The following ZUP1 variants were observed in gnomAD, a reference collection of about 807,000 sequenced individuals.
The protein encoded by ZUP1 is zinc finger-containing ubiquitin peptidase 1.
A neutral mutation model predicts 68.1 loss-of-function variants in ZUP1; 55 were observed. The ratio of observed to expected loss-of-function variants is 0.81; its 90% confidence interval spans 0.65 to 1.01. ZUP1 has a LOEUF of 1.01. ZUP1 is among the 50% of genes least tolerant of loss of function. The pLI is 0.00. For synonymous variants in ZUP1, 223 were observed against 221.5 expected (o/e 1.01, Z -0.06); for missense variants, 684 against 674.9 (o/e 1.01, Z -0.15).
rs532347638 is a variant in ZUP1, at chr6:116,641,861, G to C, written c.1689+3853C>G. ...AATCAGAGCAGAACTGAAGGAAATA[G>C]AGACACAAAAAACCCTTCAAAAAAT... On this transcript the variant is annotated intron_variant, in intron 9 of 9. Transcript: ENST00000368576. Among the ~76,000 whole-genome samples, 592 of 152,218 alleles carry C rather than the reference G, an allele frequency of 3.9e-3. 3 individuals are homozygous for C. Among genetic ancestry groups the C allele is most frequent in the Non-Finnish European group, 6.9e-3 (472 of 68,022 alleles).
At chr6:116,659,462 T>C (rs1264541759) in intron 3 of ZUP1, among the ~76,000 whole-genome samples, 1 of 152,120 alleles carries the variant, frequency 6.6e-6, no homozygotes, top group African/African-American at 2.4e-5. Flanking sequence ...ACAAGCACTT[T>C]TCATTAATTA....
At chr6:116,645,583 CAAAAA>C (rs59393240) in intron 9 of ZUP1, 126 bp downstream of exon 9, 927 of 428,772 alleles carry the variant, frequency 2.2e-3, no homozygotes, top group East Asian at 2.6e-3. Flanking sequence ...ACCCTGTCTC[CAAAAA>C]AAAAAAAAAA....
At chr6:116,645,598 A>AG (rs1454048360) in intron 9 of ZUP1, 116 bp downstream of exon 9, 227 of 814,998 alleles carry the variant, frequency 2.8e-4, no homozygotes, top group Middle Eastern at 3.6e-4. Flanking sequence ...AAAAAAAAAA[A>AG]AAAGAAAAAG....
At chr6:116,654,278 T>C (rs1776598862) in intron 5 of ZUP1, among the ~76,000 whole-genome samples, 1 of 152,046 alleles carries the variant, frequency 6.6e-6, no homozygotes, top group African/African-American at 2.4e-5. Flanking sequence ...ATCTATAATA[T>C]ATAGTATCAC....
At chr6:116,653,834 T>C (rs1776586020) in intron 5 of ZUP1, among the ~76,000 whole-genome samples, 1 of 151,916 alleles carries the variant, frequency 6.6e-6, no homozygotes, top group Non-Finnish European at 1.5e-5. Context: ...ATGTTACATA[T>C]CAGATGGAGA....
At chr6:116,650,864 G>A (rs577120523) in intron 7 of ZUP1, among the ~76,000 whole-genome samples, 3 of 151,912 alleles carry the variant, frequency 2.0e-5, no homozygotes, top group Admixed American at 1.3e-4. Flanking sequence ...GAGAAGGTTG[G>A]AATAACTTCC....
intron 2 of ZUP1, among the ~76,000 whole-genome samples, chr6:116,661,996 T>A (rs746137654): frequency 9.9e-5 from 15 of 151,956 alleles, no homozygotes; most frequent in Non-Finnish European, 1.5e-4. Flanking sequence ...AGGAGGGAAC[T>A]GAATCTTTGA....
At chr6:116,665,265 AT>A (rs1365743119) in intron 2 of ZUP1, among the ~76,000 whole-genome samples, 1 of 152,180 alleles carries the variant, frequency 6.6e-6, no homozygotes, top group Non-Finnish European at 1.5e-5. Flanking sequence ...AGAGAAATGC[AT>A]TAAAAAAGAA....
chr6:116,639,525 G>A (rs1299732010), intron 9 of ZUP1, among the ~76,000 whole-genome samples: 1 of 152,136 alleles, frequency 6.6e-6, no homozygotes, highest in Non-Finnish European at 1.5e-5. Context: ...CAGCATTCGC[G>A]GTTCACGAAA....
intron 5 of ZUP1, among the ~76,000 whole-genome samples, chr6:116,652,647 A>T (rs1415173410): frequency 3.9e-5 from 6 of 152,158 alleles, no homozygotes; most frequent in African/African-American, 1.4e-4. Flanking sequence ...GTTTTCATTT[A>T]AAAACTCTTG....
intron 8 of ZUP1, chr6:116,646,154 C>A (rs1436123243): frequency 6.3e-5 from 24 of 379,398 alleles, no homozygotes; most frequent in Non-Finnish European, 1.4e-5. Flanking sequence ...CCAAAAAAAA[C>A]ATTTTTATTC....
intron 9 of ZUP1, among the ~76,000 whole-genome samples, chr6:116,642,270 G>A (rs1030987959): frequency 1.3e-5 from 2 of 152,134 alleles, no homozygotes; most frequent in African/African-American, 2.4e-5. Flanking sequence ...AGGAGGAACT[G>A]GTAACATTCC....
intron 2 of ZUP1, among the ~76,000 whole-genome samples, chr6:116,665,569 C>CTTTTTTT (rs753039436): frequency 1.8e-5 from 2 of 111,588 alleles, no homozygotes; most frequent in African/African-American, 6.8e-5. Context: ...AAAAATTTTT[C>CTTTTTTT]TTTTTTTTTT....
chr6:116,646,129 C>T, intron 8 of ZUP1, 195 bp from the exon 9 acceptor site: 1 of 421,636 alleles, frequency 2.4e-6, no homozygotes, highest in Non-Finnish European at 4.1e-6. Flanking sequence ...CTTTAGTTTT[C>T]TAAAGGCTTC....
intron 2 of ZUP1, among the ~76,000 whole-genome samples, chr6:116,661,675 AC>A: frequency 6.6e-6 from 1 of 152,310 alleles, no homozygotes. Context: ...TAGAAGAGGG[AC>A]CCAGAATTGT....
chr6:116,641,107 G>A (rs576825944), intron 9 of ZUP1, among the ~76,000 whole-genome samples: 3 of 148,966 alleles, frequency 2.0e-5, no homozygotes, highest in African/African-American at 7.5e-5. Context: ...ATTACATAAT[G>A]GTAAAGGGAT....
At chr6:116,660,890 A>T (rs1294205898) in intron 2 of ZUP1, 44 bp from the exon 3 acceptor site, 6 of 1,209,048 alleles carry the variant, frequency 5.0e-6, no homozygotes, top group African/African-American at 1.6e-5. Context: ...TTTTTATTTT[A>T]ATTTTTTTCT....
intron 7 of ZUP1, among the ~76,000 whole-genome samples, chr6:116,649,727 A>G (rs1272187538): frequency 1.3e-5 from 2 of 152,216 alleles, no homozygotes; most frequent in African/African-American, 2.4e-5. Flanking sequence ...CCAACCAAAT[A>G]GTAACCTTCC....
intron 9 of ZUP1, among the ~76,000 whole-genome samples, chr6:116,636,606 TC>T (rs1307669854): frequency 6.6e-6 from 1 of 152,112 alleles, no homozygotes; most frequent in Admixed American, 6.5e-5. Context: ...GGCAGAAATG[TC>T]TTATGGTAAT....
Sources: allele counts gnomAD v4.1 joint callset (sites outside exome capture counted in the v4.1 genomes callset), GRCh38; gene constraint gnomAD v4.1.1; transcripts MANE v1.5; gene names NCBI Gene and HGNC (gene_info 2026-07-23, HGNC 2026-07-21).